The following ATP8A1 variants were observed in gnomAD, a reference collection of about 807,000 sequenced individuals.
ATP8A1 encodes phospholipid-transporting ATPase IA.
ATP8A1 carries 90 observed loss-of-function variants against 177.7 expected under a neutral mutation model. The ratio of observed to expected loss-of-function variants is 0.51; its 90% CI spans 0.43 to 0.60. The LOEUF (loss-of-function observed/expected upper bound fraction) is 0.60. ATP8A1 is among the 20% of genes least tolerant of loss of function. The probability of loss-of-function intolerance (pLI) is 0.00; values close to 1 mark genes in which losing one functional copy is unlikely to be tolerated. For missense variants in ATP8A1, 1,072 were observed against 1,392.8 expected, an observed-to-expected ratio of 0.77 and a Z score of 3.67; for synonymous variants, 493 against 485.9, an observed-to-expected ratio of 1.01 and a Z score of -0.19.
chr4:42,609,909 A>G (rs1426926446), intron 5 of ATP8A1, among the ~76,000 whole-genome samples: 1 of 152,064 alleles, frequency 6.6e-6, no homozygotes, highest in Non-Finnish European at 1.5e-5. Context: ...AAATGACCCT[A>G]ACTTGCCTCC....
At chr4:42,464,421 C>T (rs368722187) in intron 27 of ATP8A1, among the ~76,000 whole-genome samples, 3 of 151,512 alleles carry the variant, frequency 2.0e-5, no homozygotes, top group African/African-American at 4.9e-5. Flanking sequence ...CCTGCTACCA[C>T]GCCTGGCTAA....
At chr4:42,496,024 AGG>A (rs1723236863) in intron 24 of ATP8A1, among the ~76,000 whole-genome samples, 1 of 152,232 alleles carries the variant, frequency 6.6e-6, no homozygotes, top group Admixed American at 6.5e-5. Flanking sequence ...AAATGGAGGC[AGG>A]TAGGAAGAGG....
chr4:42,596,802 C>T (rs903699121), intron 6 of ATP8A1, among the ~76,000 whole-genome samples: 1 of 151,942 alleles, frequency 6.6e-6, no homozygotes, highest in Non-Finnish European at 1.5e-5. Context: ...CAGAAGAATA[C>T]GTTGATTCCA....
Position 42,555,130 on chromosome 4 carries a change from T to TA in ATP8A1, c.1413+837dup, listed in dbSNP as rs776613093. ...CTATCTATCTATCTATCTATCTATC[T>TA]ATCTATCTAATCTATCTATCTATCT... On this transcript the variant is annotated intron_variant, in intron 16 of 36. Transcript: ENST00000381668. 7.8e-3 allele frequency among the ~76,000 whole-genome samples: 639 copies of TA among 82,184 alleles called. 2 individuals are homozygous for TA. Among genetic ancestry groups the TA allele is most frequent in the South Asian group, 0.012 (29 of 2,466 alleles). 53.9% of individuals were successfully genotyped at this position (82,184 alleles called of 152,430 possible).
At chr4:42,637,212 TAAG>T in intron 1 of ATP8A1, 1 of 518,896 alleles carries the variant, frequency 1.9e-6, no homozygotes, top group South Asian at 1.4e-5. Context: ...TTTTCCTGCT[TAAG>T]AATAAGCAGG....
Position 42,455,608 on chromosome 4 carries a change from A to T in ATP8A1, c.2620-9T>A, listed in dbSNP as rs1168167442. 6.2e-7 allele frequency: 1 copy of T among 1,610,690 alleles called. No individual in the cohort carries two copies. ...ACAAAGGCAAACCAGATCTAGGAAA[A>T]AAAACCCAAAACCCCCAAATTAGAA... is the stretch of plus-strand genomic sequence containing the variant. On this transcript the variant is annotated splice_polypyrimidine_tract_variant and intron_variant, in intron 27 of 36. Coordinates refer to ENST00000381668, the MANE Select transcript of ATP8A1 (RefSeq NM_006095.2).
At chr4:42,595,084 G>C (rs534322369) in intron 6 of ATP8A1, among the ~76,000 whole-genome samples, 1 of 152,206 alleles carries the variant, frequency 6.6e-6, no homozygotes, top group Non-Finnish European at 1.5e-5. Context: ...GCAACAACTT[G>C]GCTTAACTGA....
intron 5 of ATP8A1, among the ~76,000 whole-genome samples, chr4:42,613,573 T>TC (rs1736589959): frequency 6.6e-6 from 1 of 152,034 alleles, no homozygotes; most frequent in Non-Finnish European, 1.5e-5. Flanking sequence ...TGTATTTTTT[T>TC]TTATTGTTGC....
rs1717165154 is a variant in ATP8A1, at chr4:42,445,917, TA to T, written c.2958+665del. Among the ~76,000 whole-genome samples, 5 of 151,452 alleles carry T rather than the reference TA, an allele frequency of 3.3e-5. No homozygotes were observed. The South Asian group carries it at 1.0e-3, about 32-fold the overall frequency. ...CAACATGGTGAAACCTTGTCTCTAC[TA>T]AAAATACAAAAATTAGCTGGGCGTG... On this transcript the variant is annotated intron_variant, in intron 31 of 36. Transcript: ENST00000381668.
intron 24 of ATP8A1, among the ~76,000 whole-genome samples, chr4:42,488,570 C>G (rs1459066525): frequency 6.6e-6 from 1 of 152,146 alleles, no homozygotes; most frequent in Admixed American, 6.6e-5. Flanking sequence ...AAACACAAAT[C>G]TTGTCTCTTC....
rs768775139 is a variant in ATP8A1 at position 42,586,332 on chromosome 4, A to G, written c.722+17T>C. 3.1e-6 allele frequency: 5 copies of G among 1,612,708 alleles called. No individual in the cohort carries two copies. In the African/African-American group the frequency reaches 5.3e-5, roughly 17 times the overall value. Reference sequence around the variant, plus strand: ...CACAGTGGATTCTGTGTTTTTATAAAGACGGATTTTACATACCCATGTCCA... The same window carrying G: ...CACAGTGGATTCTGTGTTTTTATAAGGACGGATTTTACATACCCATGTCCA... On this transcript the variant is annotated intron_variant, in intron 9 of 36. Transcript: ENST00000381668.
At position 42,608,731 on chromosome 4, in the gene ATP8A1, T is replaced by C. The variant is rs565330412; in HGVS notation, c.409+7302A>G. Among the ~76,000 whole-genome samples the C allele has an allele frequency of 3.9e-5, 6 of 152,264 alleles. No individual in the cohort carries two copies. The South Asian group carries it at 8.3e-4, about 21-fold the overall frequency. On this transcript the variant is annotated intron_variant, in intron 5 of 36. Transcript: ENST00000381668. ...TGACACTACTGTTGTCATAGAGGAA[T>C]AGTAAAACCACAGAAAATGTAGTGT... is the stretch of plus-strand genomic sequence containing the variant.
intron 15 of ATP8A1, among the ~76,000 whole-genome samples, chr4:42,565,167 C>T (rs933869038): frequency 6.6e-6 from 1 of 152,160 alleles, no homozygotes; most frequent in Non-Finnish European, 1.5e-5. Context: ...ATGTCTTTAT[C>T]AGTAGCTTGA....
chr4:42,555,139 A>ATCTATCTT lies in ATP8A1; in HGVS notation c.1413+828_1413+829insAAGATAGA, dbSNP rs1553903246. 8.8e-3 allele frequency among the ~76,000 whole-genome samples: 526 copies of ATCTATCTT among 59,524 alleles called. 12 individuals carry two copies. Among genetic ancestry groups the ATCTATCTT allele is most frequent in the East Asian group, 0.015 (34 of 2,334 alleles). 39.1% of individuals were successfully genotyped at this position (59,524 alleles called of 152,430 possible). A position where few individuals can be genotyped will look rare whatever the true frequency, so the allele number is the denominator to read the frequency against. On this transcript the variant is annotated intron_variant, in intron 16 of 36. Coordinates refer to ENST00000381668, the MANE Select transcript of ATP8A1 (RefSeq NM_006095.2). ...TATCTATCTATCTATCTATCTATCT[A>ATCTATCTT]ATCTATCTATCTATCTATCTATCTA...
At chr4:42,635,782 C>CATATATATATATATATAT (rs764452182) in intron 1 of ATP8A1, among the ~76,000 whole-genome samples, 1,114 of 51,722 alleles carry the variant, frequency 0.022, 58 homozygotes, top group Non-Finnish European at 0.034. Context: ...CACACACACA[C>CATATATATATATATATAT]ATATATATAT....
intron 22 of ATP8A1, among the ~76,000 whole-genome samples, chr4:42,517,308 AAC>A (rs1215440287): frequency 4.4e-4 from 67 of 151,138 alleles, no homozygotes; most frequent in Non-Finnish European, 7.7e-4. Flanking sequence ...AAAAAAAAAA[AAC>A]AAATTCTGAT....
chr4:42,509,872 AAG>A (rs1553891224), intron 22 of ATP8A1, among the ~76,000 whole-genome samples: 1 of 150,234 alleles, frequency 6.7e-6, no homozygotes, highest in Admixed American at 6.6e-5. Context: ...AAAAAAAAAA[AAG>A]TTATTGTTTC....
intron 24 of ATP8A1, among the ~76,000 whole-genome samples, chr4:42,496,952 C>T (rs1054836422): frequency 6.6e-6 from 1 of 152,072 alleles, no homozygotes; most frequent in Non-Finnish European, 1.5e-5. Context: ...CCAGAAGAGT[C>T]TCCCTCTTTC....
intron 27 of ATP8A1, among the ~76,000 whole-genome samples, chr4:42,459,145 C>T (rs1322401539): frequency 2.0e-5 from 3 of 152,118 alleles, no homozygotes; most frequent in African/African-American, 7.2e-5. Context: ...AATGAGATTT[C>T]CAGTAAAGTT....
Sources: allele counts gnomAD v4.1 joint callset (sites outside exome capture counted in the v4.1 genomes callset), GRCh38; gene constraint gnomAD v4.1.1; transcripts MANE v1.5; gene names NCBI Gene and HGNC (gene_info 2026-07-23, HGNC 2026-07-21).